ARHGAP31: variants seen among roughly 807,000 people sequenced by gnomAD.
The protein encoded by ARHGAP31 is rho GTPase-activating protein 31.
ARHGAP31 carries 34 observed loss-of-function variants against 113.9 expected under a neutral mutation model. The observed-to-expected ratio is 0.30, with a 90% confidence interval of 0.23 to 0.40. The LOEUF (loss-of-function observed/expected upper bound fraction) is 0.40, where lower values mean the gene tolerates loss of function less well. Ranked by LOEUF, ARHGAP31 falls within the 10% of genes least tolerant of loss-of-function variation. ARHGAP31 has a pLI of 1.00. For missense variants in ARHGAP31, 1,548 were observed against 1,767.1 expected (o/e 0.88, Z 2.22); for synonymous variants, 650 against 684.8 (o/e 0.95, Z 0.79).
In ARHGAP31 at chr3:119,414,028, G is replaced by C. The variant is rs777165649; in HGVS notation, c.2099G>C (p.Gly700Ala). ...LGPFIPSEPPGSLPCGSFPAP... is the reference protein window; with the variant it reads ...LGPFIPSEPPASLPCGSFPAP... The stretch of plus-strand genomic sequence containing the variant: ...CCCTTTATTCCCTCAGAGCCTCCTG[G>C]GAGCTTGCCTTGTGGCTCCTTCCCT... Residue 700 changes from glycine to alanine, a missense_variant, in exon 12 of 12, where the codon GGG becomes GCG. By Grantham distance (60) the Gly-to-Ala change is moderately conservative. Transcript: ENST00000264245. 1 of 1,613,950 alleles carries C rather than the reference G, an allele frequency of 6.2e-7. No individual in the cohort carries two copies. Among genetic ancestry groups the C allele is most frequent in the Non-Finnish European group, 8.5e-7 (1 of 1,180,020 alleles).
chr3:119,408,016 A>G (rs1360238557), intron 10 of ARHGAP31, among the ~76,000 whole-genome samples: 2 of 152,144 alleles, frequency 1.3e-5, no homozygotes, highest in African/African-American at 4.8e-5. Context: ...TTTACAGTGT[A>G]TTACATATTA....
intron 6 of ARHGAP31, among the ~76,000 whole-genome samples, chr3:119,388,637 C>T (rs182150660): frequency 7.2e-4 from 110 of 152,108 alleles, no homozygotes; most frequent in African/African-American, 2.3e-3. Flanking sequence ...GGCTGGGTTC[C>T]GGATGTATTT....
intron 1 of ARHGAP31, among the ~76,000 whole-genome samples, chr3:119,333,917 G>A (rs1195724412): frequency 6.6e-6 from 1 of 152,208 alleles, no homozygotes; most frequent in Non-Finnish European, 1.5e-5. Context: ...GTGGTGGGAG[G>A]TTTAAATGAC....
intron 1 of ARHGAP31, among the ~76,000 whole-genome samples, chr3:119,315,789 A>G (rs915367992): frequency 8.5e-5 from 13 of 152,242 alleles, no homozygotes; most frequent in Non-Finnish European, 1.3e-4. Context: ...TGCACAATAC[A>G]GAGAATGTGA....
chr3:119,381,965 G>A (rs538451583), intron 4 of ARHGAP31, among the ~76,000 whole-genome samples: 16 of 136,630 alleles, frequency 1.2e-4, no homozygotes, highest in South Asian at 9.4e-4. Flanking sequence ...CAGCCTGGGC[G>A]ACAGAGCGAG....
intron 1 of ARHGAP31, among the ~76,000 whole-genome samples, chr3:119,326,049 G>A (rs919442374): frequency 2.6e-5 from 4 of 152,114 alleles, no homozygotes; most frequent in East Asian, 1.9e-4. Flanking sequence ...AACATTAGCC[G>A]GGCGTGGTGG....
At chr3:119,376,527 C>T (rs2080350313) in intron 3 of ARHGAP31, among the ~76,000 whole-genome samples, 2 of 152,160 alleles carry the variant, frequency 1.3e-5, no homozygotes, top group Admixed American at 6.5e-5. Flanking sequence ...AGTGTGTCCC[C>T]GCTGTCCCCA....
chr3:119,391,539 T>A (rs749242599), intron 7 of ARHGAP31, among the ~76,000 whole-genome samples: 5 of 151,892 alleles, frequency 3.3e-5, no homozygotes, highest in African/African-American at 4.8e-5. Flanking sequence ...GTAGAATATT[T>A]TCTTTCCTCA....
At chr3:119,317,491 A>C (rs2079744982) in intron 1 of ARHGAP31, among the ~76,000 whole-genome samples, 1 of 152,122 alleles carries the variant, frequency 6.6e-6, no homozygotes, top group Admixed American at 6.5e-5. Context: ...TTCTATTTTC[A>C]GTAGAAGCAG....
intron 1 of ARHGAP31, among the ~76,000 whole-genome samples, chr3:119,300,687 G>A (rs1028163369): frequency 2.6e-5 from 4 of 151,956 alleles, no homozygotes; most frequent in Non-Finnish European, 5.9e-5. Flanking sequence ...AAAAAAATTA[G>A]CTGAGTGGCG....
intron 1 of ARHGAP31, among the ~76,000 whole-genome samples, chr3:119,331,915 G>A (rs942278624): frequency 4.6e-5 from 7 of 152,086 alleles, no homozygotes; most frequent in East Asian, 3.9e-4. Context: ...CTCACTACAC[G>A]GCCCATTCCC....
At chr3:119,335,437 C>T (rs983518115) in intron 1 of ARHGAP31, among the ~76,000 whole-genome samples, 5 of 152,152 alleles carry the variant, frequency 3.3e-5, no homozygotes, top group African/African-American at 1.2e-4. Context: ...TTTTGGAGAA[C>T]CCTAACCCCG....
At chr3:119,389,135 TG>T (rs1264154730) in intron 6 of ARHGAP31, among the ~76,000 whole-genome samples, 2 of 152,078 alleles carry the variant, frequency 1.3e-5, no homozygotes, top group African/African-American at 2.4e-5. Flanking sequence ...CAGTCCAGCC[TG>T]GGCGACAGAG....
chr3:119,324,396 C>T (rs1398476595), intron 1 of ARHGAP31, among the ~76,000 whole-genome samples: 1 of 152,180 alleles, frequency 6.6e-6, no homozygotes, highest in Non-Finnish European at 1.5e-5. Context: ...CTATATGCTT[C>T]ATAGTTTTAG....
Position 119,402,041 on chromosome 3 carries a change from A to G in ARHGAP31, c.1289A>G (p.Glu430Gly). The change falls in exon 10 of 12, where the codon GAA becomes GGA. Residue 430 changes from glutamate to glycine, a missense_variant. By Grantham distance (98) the Glu-to-Gly change is moderately conservative. Coordinates refer to ENST00000264245, the MANE Select transcript of ARHGAP31 (RefSeq NM_020754.4). ...GGCGCTCAGGCCCGGCCCCCACCGGAACAGCTGAAGGTTTTCCGGCCTGTT... is the reference window on the plus strand; with the variant it reads ...GGCGCTCAGGCCCGGCCCCCACCGGGACAGCTGAAGGTTTTCCGGCCTGTT... ...LQGAQARPPP[E>G]QLKVFRPVED... 6.2e-7 allele frequency: 1 copy of G among 1,614,170 alleles called. No individual in the cohort carries two copies. Among genetic ancestry groups the G allele is most frequent in the Non-Finnish European group, 8.5e-7 (1 of 1,180,032 alleles).
In ARHGAP31 at chr3:119,391,082, T is replaced by C; in HGVS notation, c.881+99T>C. On this transcript the variant is annotated intron_variant, in intron 7 of 11. Transcript: ENST00000264245. ...TCAGGACCAAGATGGCAGTGTGGGT[T>C]GGAGGTACCGTCTGGGTTGGGGTTT... 2.2e-6 allele frequency: 3 copies of C among 1,340,040 alleles called. No homozygotes were observed. In the South Asian group the frequency reaches 3.6e-5, roughly 16 times the overall value. The allele number at this position is 1,340,040 out of a possible 1,614,324, so 83.0% of individuals were successfully genotyped here.
chr3:119,359,983 C>T (rs780664409), intron 1 of ARHGAP31, among the ~76,000 whole-genome samples: 7 of 152,092 alleles, frequency 4.6e-5, no homozygotes, highest in South Asian at 2.1e-4. Flanking sequence ...CTTTGCCCAC[C>T]GGCAGCTCTT....
intron 1 of ARHGAP31, among the ~76,000 whole-genome samples, chr3:119,300,842 A>AAAAAAAG (rs1431506932): frequency 7.2e-6 from 1 of 139,034 alleles, no homozygotes. Context: ...AAAAAAAAAA[A>AAAAAAAG]AAAGAAAGAA....
intron 1 of ARHGAP31, among the ~76,000 whole-genome samples, chr3:119,296,375 G>C (rs2079534435): frequency 6.6e-6 from 1 of 152,226 alleles, no homozygotes; most frequent in Admixed American, 6.5e-5. Context: ...AGGTAGATTT[G>C]AGATAAAAAT....
Sources: allele counts gnomAD v4.1 joint callset (sites outside exome capture counted in the v4.1 genomes callset), GRCh38; gene constraint gnomAD v4.1.1; transcripts MANE v1.5; gene names NCBI Gene and HGNC (gene_info 2026-07-23, HGNC 2026-07-21).